MPO: variants seen among roughly 807,000 people sequenced by gnomAD.
MPO encodes myeloperoxidase.
A neutral mutation model predicts 69.4 loss-of-function variants in MPO; 57 were observed. The ratio of observed to expected loss-of-function variants is 0.82; its 90% CI spans 0.66 to 1.02. The LOEUF is 1.02. Ranked by LOEUF, MPO falls within the 50% of genes least tolerant of loss-of-function variation. MPO has a pLI of 0.00. For missense variants in MPO, 971 were observed against 1,014.1 expected, an observed-to-expected ratio of 0.96 and a Z score of 0.58; for synonymous variants, 426 against 417.1, an observed-to-expected ratio of 1.02 and a Z score of -0.26.
In MPO at chr17:58,275,324, C is replaced by T. The variant is rs1970423147; in HGVS notation, c.1365+218G>A. 6.6e-6 allele frequency among the ~76,000 whole-genome samples: 1 copy of T among 152,164 alleles called. No homozygotes were observed. The highest frequency in any genetic ancestry group is 6.5e-5 in the Admixed American group (1 of 15,284). On this transcript the variant is annotated intron_variant, in intron 8 of 11. Transcript: ENST00000225275. The surrounding 1 kb of genome is among the most constrained non-coding windows in gnomAD (Gnocchi z 4.1). The stretch of plus-strand genomic sequence containing the variant: ...AACAGACCCACAGGAAAGAAGACTG[C>T]AGGGAGCAAACCTGCGAAGAAGGAG...
intron 9 of MPO, 24 bp downstream of exon 9, chr17:58,273,390 G>A (rs373958427): frequency 1.3e-5 from 21 of 1,613,952 alleles, no homozygotes; most frequent in Non-Finnish European, 1.6e-5. Context: ...CAGCCCACTC[G>A]CTCCTGGCCT....
intron 11 of MPO, 110 bp downstream of exon 11, chr17:58,271,545 A>G (rs1175958489): frequency 9.0e-7 from 1 of 1,105,568 alleles, no homozygotes; most frequent in African/African-American, 1.5e-5. Context: ...ACACTGGAAA[A>G]TTACTGACTC....
chr17:58,277,647 T>C, intron 7 of MPO, 180 bp downstream of exon 7: 1 of 906,790 alleles, frequency 1.1e-6, no homozygotes. Context: ...CTTTTCTGCT[T>C]TTCTGGCTCC....
Position 58,278,090 on chromosome 17 carries a change from C to T in MPO, c.941G>A (p.Arg314His). 1 of 1,609,150 alleles carries T rather than the reference C, an allele frequency of 6.2e-7. No individual in the cohort carries two copies. Among genetic ancestry groups the T allele is most frequent in the Non-Finnish European group, 8.5e-7 (1 of 1,179,982 alleles). The change falls in exon 7 of 12, where the codon CGC (arginine) becomes CAC (histidine). Residue 314 changes from arginine to histidine, a missense_variant. By Grantham distance (29) the Arg-to-His change is conservative. Transcript: ENST00000225275. ...KNQADCIPFF[R>H]SCPACPGSNI... ...GCTCCCGGGGCAAGCCGGGCAGGAG[C>T]GGAAGAACGGGATGCAGTCGGCTTG... is the stretch of plus-strand genomic sequence containing the variant.
chr17:58,276,577 G>A (rs569519536), intron 7 of MPO, among the ~76,000 whole-genome samples: 1 of 152,320 alleles, frequency 6.6e-6, no homozygotes, highest in East Asian at 1.9e-4. Context: ...AGGTCATAAT[G>A]ACCCAGGCTT....
At chr17:58,273,032 A>T in intron 9 of MPO, 114 bp from the exon 10 acceptor site, 1 of 1,339,708 alleles carries the variant, frequency 7.5e-7, no homozygotes, top group Non-Finnish European at 1.0e-6. Flanking sequence ...AGGGCTGGGC[A>T]CAAGCAGTGC....
chr17:58,277,787 C>T, intron 7 of MPO, 40 bp downstream of exon 7: 4 of 1,598,306 alleles, frequency 2.5e-6, no homozygotes, highest in African/African-American at 1.3e-5. Flanking sequence ...CAACAGGGAA[C>T]ATCTCCTATG....
At position 58,272,983 on chromosome 17, in the gene MPO, C is replaced by T. The variant is rs1970386758; in HGVS notation, c.1622-65G>A. The T allele has an allele frequency of 6.3e-6, 10 of 1,592,054 alleles. No homozygotes were observed. The Admixed American group carries it at 6.7e-5, about 11-fold the overall frequency. On this transcript the variant is annotated intron_variant, in intron 9 of 11. Coordinates refer to ENST00000225275, the MANE Select transcript of MPO (RefSeq NM_000250.2). The stretch of plus-strand genomic sequence containing the variant: ...TCAGTATCAGAGCTCAGATTGGAGT[C>T]AGGGACAAGTCCAGGTAGGGTCAGG...
rs1970357820 is a variant in MPO, at chr17:58,270,868, AT to A, written c.2031-6del. 11 of 1,612,800 alleles carry A rather than the reference AT, an allele frequency of 6.8e-6. No homozygotes were observed. Among genetic ancestry groups the A allele is most frequent in the Non-Finnish European group, 8.5e-6 (10 of 1,180,006 alleles). ...CCCTCGTTCTCCCACCAAAACCTGC[AT>A]GGGGAACACCCATGGACACTGTGCC... On this transcript the variant is annotated splice_region_variant and splice_polypyrimidine_tract_variant and intron_variant, in intron 11 of 11. Coordinates refer to ENST00000225275, the MANE Select transcript of MPO (RefSeq NM_000250.2). The surrounding 1 kb of genome is among the most constrained non-coding windows in gnomAD (Gnocchi z 4.1).
At position 58,275,285 on chromosome 17, in the gene MPO, C is replaced by T. The variant is rs1474650922; in HGVS notation, c.1365+257G>A. ...TGGGCGCTAAACCAAACATTCAACC[C>T]TCCCAACACCAATAACAGACCCACA... On this transcript the variant is annotated intron_variant, in intron 8 of 11. Transcript: ENST00000225275. This position sits in a 1 kb window ranked among gnomAD's most constrained non-coding sequence, Gnocchi z 4.1. 6.6e-6 allele frequency among the ~76,000 whole-genome samples: 1 copy of T among 152,154 alleles called. No homozygotes were observed. The highest frequency in any genetic ancestry group is 1.5e-5 in the Non-Finnish European group (1 of 68,028).
At position 58,279,190 on chromosome 17, in the gene MPO, C is replaced by T. The variant is rs747667003; in HGVS notation, c.703G>A (p.Val235Met). The change falls in exon 6 of 12, where the codon GTG becomes ATG. Residue 235 changes from valine (V) to methionine (M), a missense_variant. Coordinates refer to ENST00000225275, the MANE Select transcript of MPO (RefSeq NM_000250.2). Reference sequence around the variant, plus strand: ...GTCAGCTGATCAGTGGGGAAGCGCACGATCTCGTTGGAGACCGCGCGAGCC... The same window carrying T: ...GTCAGCTGATCAGTGGGGAAGCGCATGATCTCGTTGGAGACCGCGCGAGCC... The part of the protein sequence containing the change: ...ALARAVSNEI[V>M]RFPTDQLTPD... The T allele has an allele frequency of 6.2e-7, 1 of 1,608,490 alleles. No homozygotes were observed. Among genetic ancestry groups the T allele is most frequent in the Non-Finnish European group, 8.5e-7 (1 of 1,177,712 alleles).
In MPO at chr17:58,270,668, C is replaced by T. The variant is rs1002964958; in HGVS notation, c.2226G>A (p.Arg742=). Residue 742 remains arginine, a synonymous_variant, in exon 12 of 12, where the codon AGG becomes AGA. Coordinates refer to ENST00000225275, the MANE Select transcript of MPO (RefSeq NM_000250.2). The surrounding 1 kb of genome is among the most constrained non-coding windows in gnomAD (Gnocchi z 4.1). ...TLPALNLASW[R]EAS is the part of the protein sequence containing the mutation. The stretch of plus-strand genomic sequence containing the variant: ...CCTTACCTGGCCTCTAGGAGGCTTC[C>T]CTCCAGGAAGCCAGGTTCAATGCAG... 1.2e-6 allele frequency: 2 copies of T among 1,612,000 alleles called. No individual in the cohort carries two copies. The highest frequency in any genetic ancestry group is 1.7e-6 in the Non-Finnish European group (2 of 1,179,058).
chr17:58,274,849 T>C (rs916404965), intron 8 of MPO, among the ~76,000 whole-genome samples: 1 of 151,460 alleles, frequency 6.6e-6, no homozygotes, highest in South Asian at 2.1e-4. Flanking sequence ...ATAATAATAA[T>C]TTTTAAATTT....
Position 58,279,548 on chromosome 17 carries a change from T to A in MPO, c.523A>T (p.Thr175Ser). 1 of 1,614,072 alleles carries A rather than the reference T, an allele frequency of 6.2e-7. No individual in the cohort carries two copies. Among genetic ancestry groups the A allele is most frequent in the South Asian group, 1.1e-5 (1 of 91,080 alleles). ...CTGTTGTTGCACATCCCGGTGATGGTGCGGTATTTGTCCTGCTCCGGGCAA... is the reference window on the plus strand; with the variant it reads ...CTGTTGTTGCACATCCCGGTGATGGAGCGGTATTTGTCCTGCTCCGGGCAA... ...VTCPEQDKYR[T>S]ITGMCNNRRS... The change falls in exon 4 of 12, where the codon ACC (threonine) becomes TCC (serine). Residue 175 changes from threonine to serine, a missense_variant. Coordinates refer to ENST00000225275, the MANE Select transcript of MPO (RefSeq NM_000250.2).
intron 5 of MPO, 34 bp downstream of exon 5, chr17:58,279,263 C>T (rs1323455575): frequency 6.4e-7 from 1 of 1,563,718 alleles, no homozygotes; most frequent in Non-Finnish European, 8.7e-7. Context: ...CACCGCGTGG[C>T]CGGGCCTCGC....
Position 58,280,057 on chromosome 17 carries a change from G to C in MPO, c.249-43C>G, listed in dbSNP as rs200862811. 12 of 1,607,610 alleles carry C rather than the reference G, an allele frequency of 7.5e-6. No individual in the cohort carries two copies. In the African/African-American group the frequency reaches 1.6e-4, roughly 21 times the overall value. On this transcript the variant is annotated intron_variant, in intron 2 of 11. Coordinates refer to ENST00000225275, the MANE Select transcript of MPO (RefSeq NM_000250.2). The stretch of plus-strand genomic sequence containing the variant: ...GAGTGAGGGCCAGAGAAGGGATACA[G>C]ACCCACCCAGCAGAGCCCCAGCCCA...
Position 58,270,969 on chromosome 17 carries a change from C to A in MPO, c.2031-106G>T, listed in dbSNP as rs947207350. ...GGATATAACAAAGCCACAACAAATG[C>A]CACCTGGAAGCACAGGAGGGCCCCA... On this transcript the variant is annotated intron_variant, in intron 11 of 11. Transcript: ENST00000225275. The surrounding 1 kb of genome is among the most constrained non-coding windows in gnomAD (Gnocchi z 4.1). The A allele has an allele frequency of 7.7e-7, 1 of 1,294,374 alleles. No homozygotes were observed. Among genetic ancestry groups the A allele is most frequent in the Non-Finnish European group, 1.1e-6 (1 of 907,038 alleles). The allele number at this position is 1,294,374 out of a possible 1,614,324, so 80.2% of individuals were successfully genotyped here.
rs34673822 is a variant in MPO, at chr17:58,272,008, T to A, written c.1793-116A>T. 4.0e-3 allele frequency: 4,406 copies of A among 1,098,640 alleles called. 128 individuals are homozygous for A. In the African/African-American group the frequency reaches 0.06, roughly 15 times the overall value. 68.1% of individuals were successfully genotyped at this position (1,098,640 alleles called of 1,614,324 possible). A position where few individuals can be genotyped will look rare whatever the true frequency, so the allele number is the denominator to read the frequency against. Reference sequence around the variant, plus strand: ...CGCCAGCAGCCCAGAAAACCCACCTTCCCAACACAACCAAGGTCATAGAGG... The same window carrying A: ...CGCCAGCAGCCCAGAAAACCCACCTACCCAACACAACCAAGGTCATAGAGG... On this transcript the variant is annotated intron_variant, in intron 10 of 11. Coordinates refer to ENST00000225275, the MANE Select transcript of MPO (RefSeq NM_000250.2).
Position 58,279,229 on chromosome 17 carries a change from G to T in MPO, c.679-15C>A, listed in dbSNP as rs775613707. 2.5e-6 allele frequency: 4 copies of T among 1,590,252 alleles called. No individual in the cohort carries two copies. The highest frequency in any genetic ancestry group is 3.4e-6 in the Non-Finnish European group (4 of 1,168,192). ...ACCGCGCGAGCCTGCGGGACACGGA[G>T]ATCAGCTGGCGCCTGGGTCCGCGCA... On this transcript the variant is annotated splice_polypyrimidine_tract_variant and intron_variant, in intron 5 of 11. Coordinates refer to ENST00000225275, the MANE Select transcript of MPO (RefSeq NM_000250.2).
Sources: allele counts gnomAD v4.1 joint callset (sites outside exome capture counted in the v4.1 genomes callset), GRCh38; gene constraint gnomAD v4.1.1; non-coding constraint Gnocchi (gnomAD v3.1); transcripts MANE v1.5; gene names NCBI Gene and HGNC (gene_info 2026-07-23, HGNC 2026-07-21).